The following NFYC variants were observed in gnomAD, a reference collection of about 807,000 sequenced individuals.
NFYC encodes the protein CAAT box DNA-binding protein subunit C.
In NFYC, 25 loss-of-function variants were observed where a neutral mutation model predicts 53.1. The observed-to-expected ratio is 0.47, with a 90% CI of 0.34 to 0.66. NFYC has a LOEUF of 0.66. Ranked by LOEUF, NFYC falls within the 30% of genes least tolerant of loss-of-function variation. NFYC has a pLI of 0.01. For missense variants in NFYC, 260 were observed against 422.7 expected, an observed-to-expected ratio of 0.62 and a Z score of 3.38; for synonymous variants, 145 against 152.6, an observed-to-expected ratio of 0.95 and a Z score of 0.37.
At chr1:40,731,610 G>C (rs1245683060) in intron 1 of NFYC, among the ~76,000 whole-genome samples, 1 of 152,046 alleles carries the variant, frequency 6.6e-6, no homozygotes, top group Non-Finnish European at 1.5e-5. Context: ...TCAGCCTCCT[G>C]AGTAGCTGGG....
chr1:40,701,827 C>T (rs988489954), intron 1 of NFYC, among the ~76,000 whole-genome samples: 1 of 152,098 alleles, frequency 6.6e-6, no homozygotes, highest in Non-Finnish European at 1.5e-5. Context: ...GCCCTAAAAC[C>T]TTGCAAGATG....
intron 1 of NFYC, among the ~76,000 whole-genome samples, chr1:40,730,028 T>C (rs1644694231): frequency 6.6e-6 from 1 of 151,834 alleles, no homozygotes; most frequent in Admixed American, 6.6e-5. Context: ...TTTCTAGCTT[T>C]CGATTGATTG....
At chr1:40,692,624 G>C (rs969831219) in intron 1 of NFYC, among the ~76,000 whole-genome samples, 2 of 152,128 alleles carry the variant, frequency 1.3e-5, no homozygotes, top group African/African-American at 4.8e-5. Context: ...GGTAGAATCG[G>C]ATCAGGGATT....
chr1:40,731,775 C>T (rs1490658919), intron 1 of NFYC, among the ~76,000 whole-genome samples: 6 of 152,188 alleles, frequency 3.9e-5, no homozygotes, highest in African/African-American at 7.2e-5. Flanking sequence ...TGAGCCACCG[C>T]GCCTGGCCCC....
At chr1:40,709,064 T>G (rs1248013154) in intron 1 of NFYC, among the ~76,000 whole-genome samples, 3 of 152,206 alleles carry the variant, frequency 2.0e-5, no homozygotes, top group Non-Finnish European at 4.4e-5. Flanking sequence ...AATATTCTGT[T>G]TTAGAAGCAC....
At chr1:40,766,949 G>A (rs1300323789) in intron 8 of NFYC, 17 of 1,552,100 alleles carry the variant, frequency 1.1e-5, no homozygotes, top group Non-Finnish European at 1.5e-5. Context: ...GGGAAGCCTC[G>A]AAGGTGCCTG....
intron 1 of NFYC, among the ~76,000 whole-genome samples, chr1:40,716,606 C>A (rs1644145043): frequency 1.3e-5 from 2 of 152,088 alleles, no homozygotes; most frequent in African/African-American, 4.8e-5. Flanking sequence ...ATGAGAGCTG[C>A]ACTTTTATAT....
rs762236942 is a variant in NFYC at position 40,723,000 on chromosome 1, A to G, written c.-8-15836A>G. On this transcript the variant is annotated intron_variant, in intron 1 of 9. Coordinates refer to ENST00000447388, the MANE Select transcript of NFYC (RefSeq NM_014223.5). ...TAGAGCTTTTGCATTTTGACTCATC[A>G]TTTATTGTATTGTGATCTTGAGCAA... 4.9e-4 allele frequency among the ~76,000 whole-genome samples: 74 copies of G among 152,310 alleles called. 2 individuals carry two copies. The highest frequency in any genetic ancestry group is 2.5e-3 in the Admixed American group (38 of 15,302).
At chr1:40,724,728 T>C (rs1180806342) in intron 1 of NFYC, among the ~76,000 whole-genome samples, 1 of 152,250 alleles carries the variant, frequency 6.6e-6, no homozygotes, top group Admixed American at 6.5e-5. Flanking sequence ...CATTTTTCTC[T>C]AGTTGTGCTA....
In NFYC at chr1:40,733,018, C is replaced by CT. The variant is rs1477582499; in HGVS notation, c.-8-5818_-8-5817insT. The stretch of plus-strand genomic sequence containing the variant: ...AGCTTTCCAAGATTCGCCCCCCCCC[C>CT]CTTTTTTTTTTTTCCTGAAAGGCCA... On this transcript the variant is annotated intron_variant, in intron 1 of 9. Transcript: ENST00000447388. Among the ~76,000 whole-genome samples, 223 of 82,562 alleles carry CT rather than the reference C, an allele frequency of 2.7e-3. 4 individuals are homozygous for CT. The highest frequency in any genetic ancestry group is 0.024 in the South Asian group (39 of 1,614). The allele number at this position is 82,562 out of a possible 152,430, so 54.2% of individuals were successfully genotyped here. A position where few individuals can be genotyped will look rare whatever the true frequency, so the allele number is the denominator to read the frequency against.
At chr1:40,758,520 C>A in intron 6 of NFYC, 1 of 468,622 alleles carries the variant, frequency 2.1e-6, no homozygotes, top group Non-Finnish European at 3.7e-6. Context: ...GTGTACTAGA[C>A]AGTATGTTCT....
In NFYC at chr1:40,757,840, G is replaced by A. The variant is rs139903920; in HGVS notation, c.388-281G>A. On this transcript the variant is annotated intron_variant, in intron 5 of 9. Transcript: ENST00000447388. ...CTGCTGGTGTGTGGTTTTTAGTTAC[G>A]GTACTTATTTGCCCGTTTGCAACTT... 339 of 512,322 alleles carry A rather than the reference G, an allele frequency of 6.6e-4. 1 individual carries two copies. Among genetic ancestry groups the A allele is most frequent in the African/African-American group, 5.6e-3 (291 of 51,868 alleles). 31.7% of individuals were successfully genotyped at this position (512,322 alleles called of 1,614,324 possible).
chr1:40,727,587 G>T (rs183912754), intron 1 of NFYC, among the ~76,000 whole-genome samples: 3,039 of 150,292 alleles, frequency 0.02, 33 homozygotes, highest in Non-Finnish European at 0.031. Context: ...CTGGAGTGCA[G>T]TGGCACGATT....
chr1:40,725,502 GC>G lies in NFYC; in HGVS notation c.-8-13332del, dbSNP rs1557788352. ...ATTGGTTTTATTTTGGAGAGTATAA[GC>G]CTTCTTAAGAAATGCTTTTTAGCTG... is the stretch of plus-strand genomic sequence containing the variant. On this transcript the variant is annotated intron_variant, in intron 1 of 9. Transcript: ENST00000447388. Among the ~76,000 whole-genome samples, 7 of 152,270 alleles carry G rather than the reference GC, an allele frequency of 4.6e-5. No individual in the cohort carries two copies. The South Asian group carries it at 6.2e-4, about 14-fold the overall frequency.
In NFYC at chr1:40,750,481, T is replaced by C. The variant is rs576906413; in HGVS notation, c.291+795T>C. On this transcript the variant is annotated intron_variant, in intron 4 of 9. Transcript: ENST00000447388. ...TTTTCTAGGCTCTGGGGATTAACGA[T>C]ACACACAACAGACAAAAATCCTTAT... 1.6e-4 allele frequency among the ~76,000 whole-genome samples: 24 copies of C among 152,332 alleles called. No homozygotes were observed. The South Asian group carries it at 5.0e-3, about 32-fold the overall frequency.
intron 6 of NFYC, among the ~76,000 whole-genome samples, chr1:40,760,231 A>G (rs970329899): frequency 2.6e-5 from 4 of 152,154 alleles, no homozygotes; most frequent in African/African-American, 9.7e-5. Context: ...TGGTGGGATG[A>G]CAGGCATGAG....
At chr1:40,767,806 G>A (rs868021622) in intron 8 of NFYC, among the ~76,000 whole-genome samples, 1 of 151,970 alleles carries the variant, frequency 6.6e-6, no homozygotes, top group African/African-American at 2.4e-5. Flanking sequence ...TGGCAAAACC[G>A]TTTCCACTAA....
chr1:40,733,570 A>G (rs191717221), intron 1 of NFYC, among the ~76,000 whole-genome samples: 1 of 150,496 alleles, frequency 6.6e-6, no homozygotes, highest in Admixed American at 6.6e-5. Context: ...TGTATTTTTT[A>G]TTATTATAAT....
At chr1:40,708,863 T>C (rs1643842926) in intron 1 of NFYC, among the ~76,000 whole-genome samples, 1 of 152,338 alleles carries the variant, frequency 6.6e-6, no homozygotes, top group Admixed American at 6.5e-5. Context: ...TCCGACCTTG[T>C]GCACATTGCT....
Sources: allele counts gnomAD v4.1 joint callset (sites outside exome capture counted in the v4.1 genomes callset), GRCh38; gene constraint gnomAD v4.1.1; transcripts MANE v1.5; gene names NCBI Gene and HGNC (gene_info 2026-07-23, HGNC 2026-07-21).